SGCD: variants seen among roughly 807,000 people sequenced by gnomAD.
SGCD encodes delta-sarcoglycan.
In SGCD, 18 loss-of-function variants were observed where a neutral mutation model predicts 36.6. The ratio of observed to expected loss-of-function variants is 0.49; its 90% CI spans 0.34 to 0.73. The LOEUF is 0.73. Among genes scored for constraint, SGCD ranks in the 30% least tolerant of loss-of-function variants. The pLI is 0.01. For synonymous variants in SGCD, 133 were observed against 130.6 expected, an observed-to-expected ratio of 1.02 and a Z score of -0.12; for missense variants, 387 against 346.7, an observed-to-expected ratio of 1.12 and a Z score of -0.92.
intron 1 of SGCD, among the ~76,000 whole-genome samples, chr5:156,075,801 T>C (rs1222915573): frequency 6.6e-6 from 1 of 152,180 alleles, no homozygotes; most frequent in African/African-American, 2.4e-5. Context: ...TGAGATCCCA[T>C]AACTGGCAAG....
Position 156,434,343 on chromosome 5 carries a change from C to T in SGCD, c.193-74258C>T, listed in dbSNP as rs569034257. ...AGTTTAGATGGGAGGGATGGCTCCC[C>T]GCACAAGCATACCATTTATTAAACA... On this transcript the variant is annotated intron_variant, in intron 3 of 8. Coordinates refer to ENST00000337851, the MANE Select transcript of SGCD (RefSeq NM_000337.6). 5.3e-5 allele frequency among the ~76,000 whole-genome samples: 8 copies of T among 152,114 alleles called. No homozygotes were observed. The South Asian group carries it at 6.2e-4, about 12-fold the overall frequency.
At chr5:156,335,589 G>A (rs1230900818) in intron 2 of SGCD, among the ~76,000 whole-genome samples, 1 of 152,012 alleles carries the variant, frequency 6.6e-6, no homozygotes, top group African/African-American at 2.4e-5. Flanking sequence ...CCATCTCTTT[G>A]GAATCTCATG....
chr5:155,835,946 A>C, the SGCD span, among the ~76,000 whole-genome samples: 1 of 152,040 alleles, frequency 6.6e-6, no homozygotes, highest in African/African-American at 2.4e-5. Context: ...TAGCCTACCC[A>C]CCCTTTACTG....
At chr5:156,211,544 C>T (rs778342033) in intron 3 of SGCD, among the ~76,000 whole-genome samples, 21 of 150,920 alleles carry the variant, frequency 1.4e-4, no homozygotes, top group Admixed American at 1.4e-3. Context: ...GGAGGCGGAG[C>T]CTGCAGTGAG....
chr5:156,480,526 A>G (rs1240191666), intron 3 of SGCD, among the ~76,000 whole-genome samples: 2 of 152,198 alleles, frequency 1.3e-5, no homozygotes, highest in Admixed American at 1.3e-4. Context: ...GTGCAAAGGA[A>G]ATCAGATGAC....
chr5:156,390,193 G>C (rs1771490024), intron 3 of SGCD, among the ~76,000 whole-genome samples: 1 of 144,964 alleles, frequency 6.9e-6, no homozygotes, highest in African/African-American at 2.6e-5. Flanking sequence ...TATTATTTTA[G>C]AGTCTATGCC....
intron 3 of SGCD, among the ~76,000 whole-genome samples, chr5:156,439,964 GT>G (rs1003882965): frequency 1.3e-5 from 2 of 152,098 alleles, no homozygotes; most frequent in African/African-American, 4.8e-5. Context: ...AGTCAGTGCA[GT>G]TTTTTTAATT....
intron 3 of SGCD, among the ~76,000 whole-genome samples, chr5:156,442,344 G>A (rs1753531472): frequency 6.6e-6 from 1 of 152,150 alleles, no homozygotes; most frequent in Non-Finnish European, 1.5e-5. Flanking sequence ...AGACGAAATT[G>A]GTTTACATTG....
chr5:156,530,058 A>G (rs1185695022), intron 4 of SGCD, among the ~76,000 whole-genome samples: 2 of 152,260 alleles, frequency 1.3e-5, no homozygotes, highest in Admixed American at 1.3e-4. Flanking sequence ...AGAATGAGTT[A>G]AGCAGACTGC....
chr5:155,818,593 T>A, the SGCD span, among the ~76,000 whole-genome samples: 1 of 152,184 alleles, frequency 6.6e-6, no homozygotes, highest in African/African-American at 2.4e-5. Context: ...GGATCATGGC[T>A]CCCTGCAGCC....
At chr5:155,856,153 A>AAC in the SGCD span, among the ~76,000 whole-genome samples, 2 of 152,186 alleles carry the variant, frequency 1.3e-5, no homozygotes, top group Non-Finnish European at 2.9e-5. Context: ...GAATTGAAAT[A>AAC]ACACACACAT....
intron 3 of SGCD, among the ~76,000 whole-genome samples, chr5:156,159,479 A>T (rs1474856206): frequency 1.3e-5 from 2 of 151,602 alleles, no homozygotes; most frequent in Non-Finnish European, 2.9e-5. Flanking sequence ...ACTCATAAAA[A>T]AAACAAAACA....
chr5:156,753,434 G>A (rs1207491777), intron 7 of SGCD, among the ~76,000 whole-genome samples: 3 of 152,136 alleles, frequency 2.0e-5, no homozygotes, highest in Non-Finnish European at 4.4e-5. Flanking sequence ...CTAAACAATT[G>A]TGTTGTGGTC....
chr5:155,751,657 G>T, the SGCD span, among the ~76,000 whole-genome samples: 1 of 151,046 alleles, frequency 6.6e-6, no homozygotes, highest in African/African-American at 2.4e-5. Flanking sequence ...GATTATAGGC[G>T]TGAGCCACCA....
At chr5:155,814,984 A>G in the SGCD span, among the ~76,000 whole-genome samples, 1 of 152,214 alleles carries the variant, frequency 6.6e-6, no homozygotes, top group Admixed American at 6.5e-5. Context: ...TTTCTGAGTA[A>G]ACATTCCACT....
rs1257093253 is a variant in SGCD, at chr5:156,563,226, C to T, written c.295-26005C>T. Among the ~76,000 whole-genome samples, 13 of 152,272 alleles carry T rather than the reference C, an allele frequency of 8.5e-5. No individual in the cohort carries two copies. The East Asian group carries it at 2.1e-3, about 25-fold the overall frequency. ...TGATTTACTGACCTCAGGTGATCCA[C>T]CCACCTCGGCCTCCCAAAGTGCTGG... On this transcript the variant is annotated intron_variant, in intron 4 of 8. Coordinates refer to ENST00000337851, the MANE Select transcript of SGCD (RefSeq NM_000337.6).
intron 3 of SGCD, among the ~76,000 whole-genome samples, chr5:156,425,078 A>G (rs1320616904): frequency 6.6e-6 from 1 of 152,064 alleles, no homozygotes; most frequent in Non-Finnish European, 1.5e-5. Context: ...CCAAAATCCA[A>G]CTTCCCAAAC....
chr5:156,058,139 T>C (rs1760107683), intron 1 of SGCD, among the ~76,000 whole-genome samples: 1 of 146,018 alleles, frequency 6.8e-6, no homozygotes, highest in South Asian at 2.1e-4. Context: ...CCAAAACTTA[T>C]GTTTATTCCT....
chr5:156,309,060 T>A (rs1767316404), intron 3 of SGCD, among the ~76,000 whole-genome samples: 1 of 152,332 alleles, frequency 6.6e-6, no homozygotes, highest in East Asian at 1.9e-4. Flanking sequence ...TCTCTATTGC[T>A]GCATTCAAAA....
Sources: gnomAD v4.1 joint callset for allele counts (sites outside exome capture counted in the v4.1 genomes callset) on GRCh38, gnomAD v4.1.1 for gene constraint, MANE v1.5 for transcripts, NCBI Gene and HGNC (gene_info 2026-07-23, HGNC 2026-07-21) for gene names.